Variants in CHN2 observed in about 807,000 individuals in gnomAD.
CHN2 encodes beta-chimaerin.
CHN2 carries 35 observed loss-of-function variants against 56.3 expected under a neutral mutation model. The observed-to-expected ratio is 0.62, with a 90% CI of 0.47 to 0.82. The LOEUF (loss-of-function observed/expected upper bound fraction) is 0.82. Ranked by LOEUF, CHN2 falls within the 40% of genes least tolerant of loss-of-function variation. CHN2 has a pLI of 0.00. For missense variants in CHN2, 491 were observed against 580.5 expected (o/e 0.85, Z 1.58); for synonymous variants, 210 against 212.8 (o/e 0.99, Z 0.12).
intron 6 of CHN2, among the ~76,000 whole-genome samples, chr7:29,401,813 T>C (rs1802229814): frequency 1.3e-5 from 2 of 152,222 alleles, no homozygotes; most frequent in South Asian, 4.2e-4. Context: ...TAAGTTGCTG[T>C]TTGTTTGAAA....
Position 29,229,721 on chromosome 7 carries a change from G to T in CHN2, c.49+34731G>T, listed in dbSNP as rs555125881. Among the ~76,000 whole-genome samples the T allele has an allele frequency of 2.6e-5, 4 of 152,308 alleles. No individual in the cohort carries two copies. The South Asian group carries it at 8.3e-4, about 32-fold the overall frequency. ...ACTGGGGCTGGGCGTGGTGGCTCATGCCTGTAATATTAACTCTTCTAGAGG... is the reference window on the plus strand; with the variant it reads ...ACTGGGGCTGGGCGTGGTGGCTCATTCCTGTAATATTAACTCTTCTAGAGG... On this transcript the variant is annotated intron_variant, in intron 1 of 12. Transcript: ENST00000222792.
chr7:29,205,494 T>A (rs945425353), intron 1 of CHN2, among the ~76,000 whole-genome samples: 10 of 152,208 alleles, frequency 6.6e-5, no homozygotes, highest in African/African-American at 2.4e-4. Flanking sequence ...TGAAAATTTG[T>A]GAACAAAACC....
chr7:29,303,033 G>A (rs1448442282), intron 1 of CHN2, among the ~76,000 whole-genome samples: 1 of 152,054 alleles, frequency 6.6e-6, no homozygotes, highest in African/African-American at 2.4e-5. Flanking sequence ...CATCTTCCAG[G>A]TCCATCTAGG....
At chr7:29,472,281 A>ACACACACG (rs1562634272) in intron 6 of CHN2, among the ~76,000 whole-genome samples, 2 of 143,502 alleles carry the variant, frequency 1.4e-5, no homozygotes, top group Non-Finnish European at 3.1e-5. Context: ...ATACACACAC[A>ACACACACG]CACACACACA....
intron 2 of CHN2, among the ~76,000 whole-genome samples, chr7:29,150,686 T>C (rs1396301953): frequency 1.3e-5 from 2 of 152,254 alleles, no homozygotes; most frequent in Non-Finnish European, 2.9e-5. Flanking sequence ...TTGATTAACC[T>C]TGTAGGCAAT....
intron 1 of CHN2, among the ~76,000 whole-genome samples, chr7:29,323,388 G>C (rs1562917887): frequency 6.6e-6 from 1 of 152,092 alleles, no homozygotes; most frequent in African/African-American, 2.4e-5. Flanking sequence ...CTACACTCCA[G>C]GTAGTCTGAC....
intron 1 of CHN2, among the ~76,000 whole-genome samples, chr7:29,277,812 C>A (rs1271550900): frequency 6.6e-6 from 1 of 152,192 alleles, no homozygotes; most frequent in Non-Finnish European, 1.5e-5. Context: ...CCTCTCAGCC[C>A]AACTCTCCGC....
intron 1 of CHN2, among the ~76,000 whole-genome samples, chr7:29,220,527 A>G (rs531519845): frequency 5.1e-4 from 78 of 152,268 alleles, no homozygotes; most frequent in African/African-American, 1.7e-3. Flanking sequence ...GATCAATTTT[A>G]TGTCAATAAA....
chr7:29,352,228 C>T (rs141219543), intron 1 of CHN2, among the ~76,000 whole-genome samples: 5 of 152,252 alleles, frequency 3.3e-5, no homozygotes, highest in African/African-American at 4.8e-5. Context: ...ACTGAACTTG[C>T]TTGACCACTT....
chr7:29,343,340 G>A (rs1009994705), intron 1 of CHN2, among the ~76,000 whole-genome samples: 1 of 152,166 alleles, frequency 6.6e-6, no homozygotes, highest in African/African-American at 2.4e-5. Context: ...GTTTGGCAAA[G>A]GTAATGACGA....
chr7:29,300,107 G>A (rs1376074730), intron 1 of CHN2, among the ~76,000 whole-genome samples: 2 of 152,198 alleles, frequency 1.3e-5, no homozygotes, highest in African/African-American at 4.8e-5. Flanking sequence ...TCTGTTCCGG[G>A]GTGGAACCTG....
chr7:29,181,773 T>G (rs945207663), intron 2 of CHN2, among the ~76,000 whole-genome samples: 2 of 152,158 alleles, frequency 1.3e-5, no homozygotes, highest in Non-Finnish European at 2.9e-5. Context: ...TTTATATAGG[T>G]CCTAACAAAC....
intron 2 of CHN2, chr7:29,147,319 C>G (rs82141): frequency 0.38 from 87,674 of 233,614 alleles, 14,897 homozygotes; most frequent in South Asian, 0.47. Context: ...ATCTTCTGCA[C>G]TGTCCCGGGC....
intron 5 of CHN2, 115 bp from the exon 6 acceptor site, chr7:29,400,427 CT>C: frequency 9.9e-7 from 1 of 1,011,956 alleles, no homozygotes; most frequent in Non-Finnish European, 1.5e-6. Flanking sequence ...ACATCAAGTG[CT>C]TAGCCCTGTG....
chr7:29,151,577 C>A (rs994632878), intron 2 of CHN2, among the ~76,000 whole-genome samples: 17 of 152,126 alleles, frequency 1.1e-4, no homozygotes, highest in African/African-American at 3.9e-4. Flanking sequence ...GTTTGCCCAA[C>A]ACTTTTTATA....
Position 29,432,357 on chromosome 7 carries a change from A to G in CHN2, c.576+31529A>G, listed in dbSNP as rs1419014441. On this transcript the variant is annotated intron_variant, in intron 6 of 12. Transcript: ENST00000222792. ...TCAGGGGTCCAAGTTCCCACAAGGGATAGCCCAAGGCTAATACCTTTTCTA... is the reference window on the plus strand; with the variant it reads ...TCAGGGGTCCAAGTTCCCACAAGGGGTAGCCCAAGGCTAATACCTTTTCTA... Among the ~76,000 whole-genome samples, 3 of 152,194 alleles carry G rather than the reference A, an allele frequency of 2.0e-5. No individual in the cohort carries two copies. In the East Asian group the frequency reaches 5.8e-4, roughly 29 times the overall value.
In CHN2 at chr7:29,513,770, A is replaced by G. The variant is rs1438554583; in HGVS notation, c.*1035A>G. ...TACAAACCTATTTTTTAAAGTGAGA[A>G]TAAGGTTGGTTTTTACCAAATATTT... On this transcript the variant is annotated 3_prime_UTR_variant, in exon 13 of 13. Coordinates refer to ENST00000222792, the MANE Select transcript of CHN2 (RefSeq NM_004067.4). 1.3e-5 allele frequency: 2 copies of G among 152,664 alleles called. No homozygotes were observed. The highest frequency in any genetic ancestry group is 6.5e-5 in the Admixed American group (1 of 15,274). 9.5% of individuals were successfully genotyped at this position (152,664 alleles called of 1,614,324 possible).
chr7:29,447,579 T>G (rs1200135764), intron 6 of CHN2, among the ~76,000 whole-genome samples: 2 of 151,960 alleles, frequency 1.3e-5, no homozygotes, highest in African/African-American at 4.8e-5. Context: ...AACCCAGAGA[T>G]CCAAGAATCT....
At chr7:29,283,823 T>TAGCC (rs1159788518) in intron 1 of CHN2, among the ~76,000 whole-genome samples, 2 of 151,556 alleles carry the variant, frequency 1.3e-5, no homozygotes, top group African/African-American at 4.8e-5. Context: ...TTCCCTATGT[T>TAGCC]AGCCAAGCTG....
Sources: gnomAD v4.1 joint callset for allele counts (sites outside exome capture counted in the v4.1 genomes callset) on GRCh38, gnomAD v4.1.1 for gene constraint, MANE v1.5 for transcripts, NCBI Gene and HGNC (gene_info 2026-07-23, HGNC 2026-07-21) for gene names.